The following CDKL5 variants were observed in gnomAD, a reference collection of about 807,000 sequenced individuals.
CDKL5 encodes cyclin-dependent kinase-like 5.
Under a neutral mutation model 61.7 loss-of-function variants are expected in CDKL5, and 8 were observed. The ratio of observed to expected loss-of-function variants is 0.13; its 90% CI spans 0.08 to 0.23. The LOEUF (loss-of-function observed/expected upper bound fraction) is 0.23. Among genes scored for constraint, CDKL5 ranks in the 10% least tolerant of loss-of-function variants. The probability of loss-of-function intolerance (pLI) is 1.00; values close to 1 mark genes in which losing one functional copy is unlikely to be tolerated. For synonymous variants in CDKL5, 275 were observed against 272.3 expected, an observed-to-expected ratio of 1.01 and a Z score of -0.10; for missense variants, 440 against 734.5, an observed-to-expected ratio of 0.60 and a Z score of 4.63.
At chrX:18,451,687 G>A (rs1932020645) in intron 1 of CDKL5, among the ~76,000 whole-genome samples, 1 of 110,934 alleles carries the variant, frequency 9.0e-6, no homozygotes, top group Non-Finnish European at 1.9e-5. Flanking sequence ...ACAGGTGTGC[G>A]CCACCATGTC....
intron 9 of CDKL5, among the ~76,000 whole-genome samples, chrX:18,591,360 A>T (rs1925823229): frequency 8.9e-6 from 1 of 111,842 alleles, no homozygotes; most frequent in Admixed American, 9.5e-5. Context: ...AGTATTCACT[A>T]CATATCTGAG....
At chrX:18,616,768 G>A (rs1474851305) in intron 15 of CDKL5, among the ~76,000 whole-genome samples, 2 of 111,685 alleles carry the variant, frequency 1.8e-5, no homozygotes, top group East Asian at 2.8e-4. Flanking sequence ...AGTTACTCCC[G>A]TAGAATTATT....
rs149218264 is a variant in CDKL5 at position 18,648,064 on chromosome X, C to T, written c.2797+1974C>T. 8.5e-3 allele frequency among the ~76,000 whole-genome samples: 944 copies of T among 110,727 alleles called. 10 individuals carry two copies. The highest frequency in any genetic ancestry group is 0.028 in the African/African-American group (857 of 30,441). On this transcript the variant is annotated intron_variant, in intron 20 of 21. Coordinates refer to the CDKL5 transcript ENST00000379989. ...GTAAAAACGGTGTTGAGGCTGGGCA[C>T]GGTGACTCATGCCTGTAATCCCAGC...
intron 1 of CDKL5, among the ~76,000 whole-genome samples, chrX:18,479,143 G>A (rs760234598): frequency 9.9e-5 from 11 of 111,277 alleles, no homozygotes; most frequent in South Asian, 3.7e-4. Context: ...GTAAGACACC[G>A]TGCCTGGCCT....
intron 9 of CDKL5, among the ~76,000 whole-genome samples, chrX:18,590,621 C>T (rs1446645404): frequency 9.0e-6 from 1 of 111,512 alleles, no homozygotes; most frequent in Non-Finnish European, 1.9e-5. Flanking sequence ...TCTGAGTTAC[C>T]TCAGGCAAGT....
At chrX:18,551,378 A>G (rs1924377452) in intron 3 of CDKL5, among the ~76,000 whole-genome samples, 1 of 108,746 alleles carries the variant, frequency 9.2e-6, no homozygotes, top group Admixed American at 1.0e-4. Flanking sequence ...CTGATACTAT[A>G]ATAGTTACAA....
intron 1 of CDKL5, among the ~76,000 whole-genome samples, chrX:18,485,374 C>T (rs923096668): frequency 5.4e-5 from 6 of 111,559 alleles, no homozygotes; most frequent in Non-Finnish European, 9.4e-5. Context: ...CTTCCTGCCT[C>T]CATGGTGATT....
At chrX:18,451,615 T>G (rs989867343) in intron 1 of CDKL5, among the ~76,000 whole-genome samples, 1 of 112,005 alleles carries the variant, frequency 8.9e-6, no homozygotes, top group Non-Finnish European at 1.9e-5. Context: ...CTTGGCTCCC[T>G]GCAGCCTTGC....
intron 3 of CDKL5, chrX:18,536,144 A>C (rs1472585255): frequency 8.9e-6 from 1 of 111,837 alleles, no homozygotes; most frequent in Non-Finnish European, 1.9e-5. Flanking sequence ...GATGACCTAG[A>C]GATCAAGATG....
chrX:18,465,975 A>G (rs1932392756), intron 1 of CDKL5, among the ~76,000 whole-genome samples: 1 of 112,149 alleles, frequency 8.9e-6, no homozygotes, highest in Non-Finnish European at 1.9e-5. Context: ...TTGCTGGTGT[A>G]TAGAAATACT....
chrX:18,605,017 A>G, intron 12 of CDKL5, 149 bp downstream of exon 12: 3 of 679,342 alleles, frequency 4.4e-6, no homozygotes, highest in Non-Finnish European at 6.8e-6. Flanking sequence ...ACTTGGCCTA[A>G]TCTCTGTTTT....
In CDKL5 at chrX:18,633,688, C is replaced by A. The variant is rs578122803; in HGVS notation, c.*4931C>A. 9.3e-5 allele frequency: 70 copies of A among 752,653 alleles called. No homozygotes were observed. The highest frequency in any genetic ancestry group is 1.1e-4 in the Non-Finnish European group (69 of 639,080). 62.0% of individuals were successfully genotyped at this position (752,653 alleles called of 1,213,427 possible). ...CTAGGAAACTCTGGGCCTGCTGCCC[C>A]CTTCGATTCTTTTTTTTTTTCTTTG... On this transcript the variant is annotated 3_prime_UTR_variant, in exon 18 of 18. Coordinates refer to ENST00000623535, the MANE Select transcript of CDKL5 (RefSeq NM_001323289.2).
chrX:18,628,252 T>G (rs1301108746), intron 17 of CDKL5, 119 bp from the exon 18 acceptor site: 1 of 692,452 alleles, frequency 1.4e-6, no homozygotes, highest in Non-Finnish European at 2.3e-6. Context: ...CGGCTCCTCC[T>G]TGCACATGCT....
chrX:18,623,047 AT>A (rs1289298006), intron 16 of CDKL5, among the ~76,000 whole-genome samples: 1 of 112,185 alleles, frequency 8.9e-6, no homozygotes, highest in African/African-American at 3.2e-5. Flanking sequence ...ACAAAAAAAA[AT>A]AATTCTGTAT....
intron 3 of CDKL5, among the ~76,000 whole-genome samples, chrX:18,522,631 C>T (rs761078180): frequency 2.2e-4 from 24 of 109,199 alleles, no homozygotes; most frequent in Non-Finnish European, 4.4e-4. Flanking sequence ...AAGCGTAAGC[C>T]ACCGCACCTC....
rs1927446203 is a variant in CDKL5 at position 18,638,024 on chromosome X, A to G, written c.*9267A>G. 9.0e-6 allele frequency: 1 copy of G among 111,567 alleles called. No individual in the cohort carries two copies. The highest frequency in any genetic ancestry group is 3.3e-5 in the African/African-American group (1 of 30,683). 9.2% of individuals were successfully genotyped at this position (111,567 alleles called of 1,213,427 possible). A position where few individuals can be genotyped will look rare whatever the true frequency, so the allele number is the denominator to read the frequency against. On this transcript the variant is annotated 3_prime_UTR_variant, in exon 18 of 18. Transcript: ENST00000623535. ...CTCTTGGGACCACAGGGGAAGCAACAGTCCTTGTAAGCTGTTTGTCAGTGG... is the reference window on the plus strand; with the variant it reads ...CTCTTGGGACCACAGGGGAAGCAACGGTCCTTGTAAGCTGTTTGTCAGTGG...
At chrX:18,459,698 C>CTTTTTTTTTTT (rs756249968) in intron 1 of CDKL5, among the ~76,000 whole-genome samples, 3 of 53,570 alleles carry the variant, frequency 5.6e-5, no homozygotes, top group East Asian at 5.9e-4. Context: ...AGCTTTCTTT[C>CTTTTTTTTTTT]TTTTTTTTTT....
intron 14 of CDKL5, among the ~76,000 whole-genome samples, chrX:18,610,728 G>A (rs1428485226): frequency 1.8e-5 from 2 of 112,656 alleles, no homozygotes; most frequent in Non-Finnish European, 3.7e-5. Context: ...TAACTATGCA[G>A]TAATAGATTG....
chrX:18,628,450 T>G lies in CDKL5; in HGVS notation c.2576T>G (p.Phe859Cys). ...SNHPASSDPRFQPLTAQQTKN... is the reference protein window; with the variant it reads ...SNHPASSDPRCQPLTAQQTKN... ...CACCCGGCTTCCTCAGATCCCCGCT[T>G]CCAGCCCTTAACAGCTCAACAAACC... Residue 859 changes from phenylalanine to cysteine, a missense_variant, in exon 18 of 18, where the codon TTC becomes TGC. Transcript: ENST00000623535. 8.3e-7 allele frequency: 1 copy of G among 1,211,917 alleles called. No homozygotes were observed. Among genetic ancestry groups the G allele is most frequent in the Non-Finnish European group, 1.1e-6 (1 of 895,389 alleles).
Sources: allele counts gnomAD v4.1 joint callset (sites outside exome capture counted in the v4.1 genomes callset), GRCh38; gene constraint gnomAD v4.1.1; transcripts MANE v1.5; gene names NCBI Gene and HGNC (gene_info 2026-07-23, HGNC 2026-07-21).